The following EDAR variants were observed in gnomAD, a reference collection of about 807,000 sequenced individuals.
The protein encoded by EDAR is tumor necrosis factor receptor superfamily member EDAR.
Under a neutral mutation model 51.3 loss-of-function variants are expected in EDAR, and 38 were observed. The ratio of observed to expected loss-of-function variants is 0.74; its 90% confidence interval spans 0.57 to 0.97. The LOEUF is 0.97. EDAR is among the 50% of genes least tolerant of loss of function. The pLI, the probability that EDAR is intolerant of heterozygous loss-of-function variation, is 0.00. For missense variants in EDAR, 528 were observed against 595.0 expected (o/e 0.89, Z 1.17); for synonymous variants, 227 against 242.1 (o/e 0.94, Z 0.58).
At chr2:108,915,220 T>G (rs189607100) in intron 5 of EDAR, among the ~76,000 whole-genome samples, 213 of 152,312 alleles carry the variant, frequency 1.4e-3, no homozygotes, top group African/African-American at 3.2e-3. Context: ...GGCTGTTTTC[T>G]TTAGTAGGAA....
chr2:108,942,769 G>A (rs1697630343), intron 1 of EDAR, among the ~76,000 whole-genome samples: 1 of 152,260 alleles, frequency 6.6e-6, no homozygotes, highest in Admixed American at 6.5e-5. Context: ...CTCTCACGAA[G>A]GTTCGTGCCC....
chr2:108,966,927 T>C (rs1698158892), intron 1 of EDAR, among the ~76,000 whole-genome samples: 1 of 152,074 alleles, frequency 6.6e-6, no homozygotes, highest in Admixed American at 6.5e-5. Context: ...GACCAGCCAA[T>C]TGTGCATGGG....
Position 108,896,618 on chromosome 2 carries a change from G to A in EDAR, c.*289C>T, listed in dbSNP as rs951398066. Reference sequence around the variant, plus strand: ...TTTGAGTCCTCAACATTGTCTCATTGTTCAGTGAGTTAATGGTGGGCTGGT... The same window carrying A: ...TTTGAGTCCTCAACATTGTCTCATTATTCAGTGAGTTAATGGTGGGCTGGT... On this transcript the variant is annotated 3_prime_UTR_variant, in exon 12 of 12. Coordinates refer to ENST00000258443, the MANE Select transcript of EDAR (RefSeq NM_022336.4). 6.8e-5 allele frequency: 29 copies of A among 427,590 alleles called. No individual in the cohort carries two copies. Among genetic ancestry groups the A allele is most frequent in the Non-Finnish European group, 1.1e-4 (25 of 234,880 alleles). The allele number at this position is 427,590 out of a possible 1,614,324, so 26.5% of individuals were successfully genotyped here. A position where few individuals can be genotyped will look rare whatever the true frequency, so the allele number is the denominator to read the frequency against.
chr2:108,963,790 C>T lies in EDAR; in HGVS notation c.-19+25170G>A, dbSNP rs184136740. Among the ~76,000 whole-genome samples the T allele has an allele frequency of 1.5e-3, 233 of 152,346 alleles. 1 individual carries two copies. Among genetic ancestry groups the T allele is most frequent in the African/African-American group, 5.5e-3 (228 of 41,590 alleles). On this transcript the variant is annotated intron_variant, in intron 1 of 11. Transcript: ENST00000258443. Reference sequence around the variant, plus strand: ...GGCCTGCAACCTGCAAAGAGGGACCCTTCCATCTGTAGACTCTGCCTTCTT... The same window carrying T: ...GGCCTGCAACCTGCAAAGAGGGACCTTTCCATCTGTAGACTCTGCCTTCTT...
chr2:108,896,723 T>A lies in EDAR; in HGVS notation c.*184A>T. ...GCATCTGAAAGTATCCCGGCTCTAG[T>A]CCTTTATCTTTGGTTAAATTGGAAG... is the stretch of plus-strand genomic sequence containing the variant. On this transcript the variant is annotated 3_prime_UTR_variant, in exon 12 of 12. Transcript: ENST00000258443. The A allele has an allele frequency of 1.6e-6, 1 of 626,174 alleles. No individual in the cohort carries two copies. Among genetic ancestry groups the A allele is most frequent in the Non-Finnish European group, 2.8e-6 (1 of 360,962 alleles). The allele number at this position is 626,174 out of a possible 1,614,324, so 38.8% of individuals were successfully genotyped here. A position where few individuals can be genotyped will look rare whatever the true frequency, so the allele number is the denominator to read the frequency against.
intron 5 of EDAR, among the ~76,000 whole-genome samples, chr2:108,921,865 C>G (rs552341549): frequency 6.6e-6 from 1 of 152,386 alleles, no homozygotes; most frequent in South Asian, 2.1e-4. Flanking sequence ...GGGAACACAG[C>G]AGGACTGTCT....
intron 11 of EDAR, among the ~76,000 whole-genome samples, chr2:108,899,787 A>C (rs1220242477): frequency 6.6e-6 from 1 of 152,190 alleles, no homozygotes; most frequent in Admixed American, 6.5e-5. Context: ...GGAGTTCAAG[A>C]CTAGCCTGGC....
chr2:108,957,322 C>A (rs1338688927), intron 1 of EDAR, among the ~76,000 whole-genome samples: 1 of 152,216 alleles, frequency 6.6e-6, no homozygotes, highest in Non-Finnish European at 1.5e-5. Flanking sequence ...GCAGAGATGA[C>A]CCTGTTTGAA....
At position 108,895,641 on chromosome 2, in the gene EDAR, C is replaced by CT. The variant is rs1558792292; in HGVS notation, c.*1265dup. 6.6e-6 allele frequency: 1 copy of CT among 152,262 alleles called. No individual in the cohort carries two copies. The highest frequency in any genetic ancestry group is 1.5e-5 in the Non-Finnish European group (1 of 68,080). 9.4% of individuals were successfully genotyped at this position (152,262 alleles called of 1,614,324 possible). A position where few individuals can be genotyped will look rare whatever the true frequency, so the allele number is the denominator to read the frequency against. ...CTGGCATTTCCTATAGCTCCACTTT[C>CT]TTTTTGCTCACCTGAACCCTACCTG... On this transcript the variant is annotated 3_prime_UTR_variant, in exon 12 of 12. Coordinates refer to ENST00000258443, the MANE Select transcript of EDAR (RefSeq NM_022336.4).
chr2:108,939,881 C>G (rs1697558130), intron 1 of EDAR, among the ~76,000 whole-genome samples: 1 of 152,214 alleles, frequency 6.6e-6, no homozygotes, highest in South Asian at 2.1e-4. Context: ...CTGGACTCCA[C>G]TAGAGAACAG....
intron 5 of EDAR, among the ~76,000 whole-genome samples, chr2:108,916,739 C>A (rs1460226388): frequency 2.0e-5 from 3 of 152,116 alleles, no homozygotes; most frequent in Admixed American, 1.3e-4. Flanking sequence ...GGATGGTGGA[C>A]CCTGACATTT....
chr2:108,917,224 G>C (rs746333932), intron 5 of EDAR, among the ~76,000 whole-genome samples: 2 of 152,170 alleles, frequency 1.3e-5, no homozygotes, highest in African/African-American at 4.8e-5. Context: ...CGCGCGGCTC[G>C]TGTGGAAGCC....
chr2:108,958,509 G>A (rs1418844247), intron 1 of EDAR, among the ~76,000 whole-genome samples: 2 of 152,034 alleles, frequency 1.3e-5, no homozygotes, highest in East Asian at 3.9e-4. Flanking sequence ...TCAGGCAGGG[G>A]GCAGAACAGG....
At chr2:108,973,232 C>T (rs1698265916) in intron 1 of EDAR, among the ~76,000 whole-genome samples, 2 of 152,222 alleles carry the variant, frequency 1.3e-5, no homozygotes, top group African/African-American at 2.4e-5. Flanking sequence ...AGGTGTTCTG[C>T]CTGCTTCGGC....
At chr2:108,925,905 C>T (rs751466092) in intron 4 of EDAR, among the ~76,000 whole-genome samples, 1 of 152,142 alleles carries the variant, frequency 6.6e-6, no homozygotes, top group African/African-American at 2.4e-5. Flanking sequence ...CGTGAACCAC[C>T]GAGCCTGACC....
At chr2:108,916,624 G>A (rs1350116669) in intron 5 of EDAR, among the ~76,000 whole-genome samples, 2 of 152,202 alleles carry the variant, frequency 1.3e-5, no homozygotes, top group Non-Finnish European at 2.9e-5. Flanking sequence ...CAGGCTGCAG[G>A]TGTAGGCTGG....
chr2:108,964,707 T>C (rs1303828790), intron 1 of EDAR, among the ~76,000 whole-genome samples: 1 of 152,220 alleles, frequency 6.6e-6, no homozygotes, highest in Non-Finnish European at 1.5e-5. Flanking sequence ...ATCCCAGTGC[T>C]GGAATCCACA....
At chr2:108,920,368 G>C (rs72937951) in intron 5 of EDAR, among the ~76,000 whole-genome samples, 3,177 of 152,268 alleles carry the variant, frequency 0.021, 93 homozygotes, top group African/African-American at 0.064. Flanking sequence ...CTCTGTTACG[G>C]CAGGGCAACG....
intron 1 of EDAR, among the ~76,000 whole-genome samples, chr2:108,945,640 T>G (rs1432769006): frequency 6.6e-6 from 1 of 152,178 alleles, no homozygotes. Flanking sequence ...TTCTAAAAAT[T>G]TGAGATCTAT....
Sources: allele counts gnomAD v4.1 joint callset (sites outside exome capture counted in the v4.1 genomes callset), GRCh38; gene constraint gnomAD v4.1.1; transcripts MANE v1.5; gene names NCBI Gene and HGNC (gene_info 2026-07-23, HGNC 2026-07-21).